KIRREL3: variants seen among roughly 807,000 people sequenced by gnomAD.
KIRREL3 encodes the protein kirre like nephrin family adhesion molecule 3, also known as kin of IRRE-like protein 3.
Under a neutral mutation model 89.7 loss-of-function variants are expected in KIRREL3, and 36 were observed. The observed-to-expected ratio is 0.40, with a 90% CI of 0.31 to 0.53. KIRREL3 has a LOEUF of 0.53. KIRREL3 is among the 20% of genes least tolerant of loss of function. The pLI is 0.49. For missense variants in KIRREL3, 864 were observed against 1,056.6 expected (o/e 0.82, Z 2.53); for synonymous variants, 445 against 441.4 (o/e 1.01, Z -0.10).
chr11:126,741,078 C>A (rs1948966948), intron 1 of KIRREL3, among the ~76,000 whole-genome samples: 1 of 152,216 alleles, frequency 6.6e-6, no homozygotes, highest in Non-Finnish European at 1.5e-5. Context: ...GGCCAACTCT[C>A]TCTTCTTAAC....
rs1308521399 is a variant in KIRREL3, at chr11:126,622,272, TC to T, written c.56-59361del. Among the ~76,000 whole-genome samples the T allele has an allele frequency of 1.3e-5, 2 of 152,240 alleles. No homozygotes were observed. Among genetic ancestry groups the T allele is most frequent in the East Asian group, 1.9e-4 (1 of 5,208 alleles). On this transcript the variant is annotated intron_variant, in intron 1 of 16. Coordinates refer to ENST00000525144, the MANE Select transcript of KIRREL3 (RefSeq NM_032531.4). This position sits in a 1 kb window ranked among gnomAD's most constrained non-coding sequence, Gnocchi z 5.2. ...TTTGGGTGCTGTTTTAATTACTTTT[TC>T]AAGGTGCCTTCTAAATGTTAAAAAT... is the stretch of plus-strand genomic sequence containing the variant.
At chr11:126,678,473 G>A (rs1416719186) in intron 1 of KIRREL3, among the ~76,000 whole-genome samples, 4 of 152,004 alleles carry the variant, frequency 2.6e-5, no homozygotes, top group East Asian at 3.9e-4. Flanking sequence ...GGTGGCAGGC[G>A]CCTGTAGTCC....
At position 126,528,509 on chromosome 11, in the gene KIRREL3, G is replaced by T. The variant is rs1338873764; in HGVS notation, c.134-1822C>A. On this transcript the variant is annotated intron_variant, in intron 2 of 16. Coordinates refer to ENST00000525144, the MANE Select transcript of KIRREL3 (RefSeq NM_032531.4). This position sits in a 1 kb window ranked among gnomAD's most constrained non-coding sequence, Gnocchi z 4.6. ...GAGTTCACAACCTGACAAGATCTTGGCAGGGTCTCCGAGGAGTCTCATTAA... is the reference window on the plus strand; with the variant it reads ...GAGTTCACAACCTGACAAGATCTTGTCAGGGTCTCCGAGGAGTCTCATTAA... 1.3e-5 allele frequency among the ~76,000 whole-genome samples: 2 copies of T among 152,198 alleles called. No homozygotes were observed. Among genetic ancestry groups the T allele is most frequent in the Non-Finnish European group, 2.9e-5 (2 of 68,038 alleles).
At chr11:126,466,120 C>T (rs1956716569) in intron 5 of KIRREL3, among the ~76,000 whole-genome samples, 1 of 152,122 alleles carries the variant, frequency 6.6e-6, no homozygotes, top group Non-Finnish European at 1.5e-5. Flanking sequence ...TCTGACTGCT[C>T]CCCCTCCTCC....
At position 126,666,007 on chromosome 11, in the gene KIRREL3, T is replaced by G. The variant is rs181155091; in HGVS notation, c.56-103095A>C. ...GTGTCAGTCTAAAGCGTTGTTGCTA[T>G]TAATGAATCAGAAAGCCTGGAACTA... On this transcript the variant is annotated intron_variant, in intron 1 of 16. Transcript: ENST00000525144. The surrounding 1 kb of genome is among the most constrained non-coding windows in gnomAD (Gnocchi z 4.2). 8.5e-5 allele frequency among the ~76,000 whole-genome samples: 13 copies of G among 152,358 alleles called. No individual in the cohort carries two copies. The highest frequency in any genetic ancestry group is 3.1e-4 in the African/African-American group (13 of 41,578).
chr11:126,911,126 T>C (rs1946799110), intron 1 of KIRREL3, among the ~76,000 whole-genome samples: 1 of 152,084 alleles, frequency 6.6e-6, no homozygotes, highest in Non-Finnish European at 1.5e-5. Flanking sequence ...GTTCAAGGGA[T>C]GACACAGAGA....
At chr11:126,929,715 T>C (rs745870743) in intron 1 of KIRREL3, among the ~76,000 whole-genome samples, 1 of 152,180 alleles carries the variant, frequency 6.6e-6, no homozygotes, top group Non-Finnish European at 1.5e-5. Context: ...CCTGGAGTCC[T>C]CTTGGGTATG....
intron 4 of KIRREL3, among the ~76,000 whole-genome samples, chr11:126,510,421 T>TTTCCTTCA (rs1223323683): frequency 7.9e-6 from 1 of 126,328 alleles, no homozygotes; most frequent in African/African-American, 3.4e-5. Flanking sequence ...CCTGACGTTG[T>TTTCCTTCA]TTCCTTCCTT....
At chr11:126,644,088 G>A (rs1482292363) in intron 1 of KIRREL3, among the ~76,000 whole-genome samples, 2 of 152,156 alleles carry the variant, frequency 1.3e-5, no homozygotes, top group Non-Finnish European at 2.9e-5. Flanking sequence ...GCCTCATAGG[G>A]TTAATGGCTG....
At chr11:126,529,425 C>T (rs1187090241) in intron 2 of KIRREL3, among the ~76,000 whole-genome samples, 1 of 152,040 alleles carries the variant, frequency 6.6e-6, no homozygotes, top group Non-Finnish European at 1.5e-5. Context: ...GGAATAAGAC[C>T]TGGGGTCTGT....
At chr11:126,437,482 C>T (rs552974538) in intron 11 of KIRREL3, among the ~76,000 whole-genome samples, 81 of 152,138 alleles carry the variant, frequency 5.3e-4, no homozygotes, top group African/African-American at 1.7e-3. Flanking sequence ...CATGCATATG[C>T]AAGTACATGT....
chr11:126,937,500 T>G (rs539860192), intron 1 of KIRREL3, among the ~76,000 whole-genome samples: 2 of 152,202 alleles, frequency 1.3e-5, no homozygotes, highest in African/African-American at 4.8e-5. Flanking sequence ...ATACATTTCC[T>G]GGAGGAGCTT....
At chr11:126,435,233 C>T (rs533095933) in intron 13 of KIRREL3, 35 bp downstream of exon 13, 8 of 1,612,520 alleles carry the variant, frequency 5.0e-6, no homozygotes, top group South Asian at 1.1e-5. Flanking sequence ...CCCTTCCCCC[C>T]TTCCCAGGGC....
intron 1 of KIRREL3, among the ~76,000 whole-genome samples, chr11:126,690,331 A>G (rs1419061378): frequency 1.3e-5 from 2 of 151,328 alleles, no homozygotes; most frequent in African/African-American, 4.9e-5. Context: ...GGCTCCAGGG[A>G]ATGTTTGAAA....
rs528315822 is a variant in KIRREL3, at chr11:126,635,578, C to T, written c.56-72666G>A. On this transcript the variant is annotated intron_variant, in intron 1 of 16. Coordinates refer to ENST00000525144, the MANE Select transcript of KIRREL3 (RefSeq NM_032531.4). This position sits in a 1 kb window ranked among gnomAD's most constrained non-coding sequence, Gnocchi z 4.0. The stretch of plus-strand genomic sequence containing the variant: ...TGGATGCTGGGTTCCCATTGTACAC[C>T]CCCAGCAACGAGCCCCCCTGCCAGC... 6.6e-6 allele frequency among the ~76,000 whole-genome samples: 1 copy of T among 151,996 alleles called. No homozygotes were observed. The highest frequency in any genetic ancestry group is 2.4e-5 in the African/African-American group (1 of 41,362).
rs1015126309 is a variant in KIRREL3 at position 126,954,044 on chromosome 11, G to T, written c.55+46411C>A. ...TGCACAGGGGTGTGTGTGCACATGCGTGTGCATGTGTACATGCGGGGTCTA... is the reference window on the plus strand; with the variant it reads ...TGCACAGGGGTGTGTGTGCACATGCTTGTGCATGTGTACATGCGGGGTCTA... On this transcript the variant is annotated intron_variant, in intron 1 of 16. Coordinates refer to ENST00000525144, the MANE Select transcript of KIRREL3 (RefSeq NM_032531.4). This position sits in a 1 kb window ranked among gnomAD's most constrained non-coding sequence, Gnocchi z 4.1. Among the ~76,000 whole-genome samples the T allele has an allele frequency of 6.6e-6, 1 of 152,088 alleles. No individual in the cohort carries two copies. Among genetic ancestry groups the T allele is most frequent in the African/African-American group, 2.4e-5 (1 of 41,404 alleles).
At position 126,802,476 on chromosome 11, in the gene KIRREL3, T is replaced by C. The variant is rs11220616; in HGVS notation, c.55+197979A>G. On this transcript the variant is annotated intron_variant, in intron 1 of 16. Coordinates refer to ENST00000525144, the MANE Select transcript of KIRREL3 (RefSeq NM_032531.4). The surrounding 1 kb of genome is among the most constrained non-coding windows in gnomAD (Gnocchi z 5.2). Reference sequence around the variant, plus strand: ...CATAGTCTGTGTGGCGTCGTTCTTCTCATGTCTGCGTGGATTTTCTCTGTG... The same window carrying C: ...CATAGTCTGTGTGGCGTCGTTCTTCCCATGTCTGCGTGGATTTTCTCTGTG... 0.23 allele frequency among the ~76,000 whole-genome samples: 34,230 copies of C among 152,046 alleles called. 4,459 individuals are homozygous for C. Among genetic ancestry groups the C allele is most frequent in the East Asian group, 0.46 (2,379 of 5,150 alleles).
intron 1 of KIRREL3, among the ~76,000 whole-genome samples, chr11:126,834,216 T>A (rs1382051707): frequency 2.0e-5 from 3 of 152,168 alleles, no homozygotes; most frequent in Admixed American, 2.0e-4. Context: ...GCACATTATC[T>A]CTGTTTTGCA....
rs1957532959 is a variant in KIRREL3, at chr11:126,492,054, T to C, written c.434-18588A>G. Among the ~76,000 whole-genome samples the C allele has an allele frequency of 6.6e-6, 1 of 152,170 alleles. No homozygotes were observed. Among genetic ancestry groups the C allele is most frequent in the Admixed American group, 6.5e-5 (1 of 15,276 alleles). The stretch of plus-strand genomic sequence containing the variant: ...AGAATCTGGACTTTTATTGTCTCAC[T>C]TCCCTTCAGTGAGCCAAAGGGCCCC... On this transcript the variant is annotated intron_variant, in intron 4 of 16. Transcript: ENST00000525144. The surrounding 1 kb of genome is among the most constrained non-coding windows in gnomAD (Gnocchi z 4.8).
Sources: gnomAD v4.1 joint callset for allele counts (sites outside exome capture counted in the v4.1 genomes callset) on GRCh38, gnomAD v4.1.1 for gene constraint, Gnocchi (gnomAD v3.1) non-coding constraint, MANE v1.5 for transcripts, NCBI Gene and HGNC (gene_info 2026-07-23, HGNC 2026-07-21) for gene names.